The following NDST4 variants were observed in gnomAD, a reference collection of about 807,000 sequenced individuals.
NDST4 encodes the protein N-deacetylase and N-sulfotransferase 4.
In NDST4, 63 loss-of-function variants were observed where a neutral mutation model predicts 100.8. The ratio of observed to expected loss-of-function variants is 0.62; its 90% CI spans 0.51 to 0.77. NDST4 has a LOEUF of 0.77. Ranked by LOEUF, NDST4 falls within the 30% of genes least tolerant of loss-of-function variation. The pLI is 0.00. For synonymous variants in NDST4, 377 were observed against 361.8 expected (o/e 1.04, Z -0.48); for missense variants, 943 against 1,018.4 (o/e 0.93, Z 1.01).
intron 6 of NDST4, among the ~76,000 whole-genome samples, chr4:114,872,004 C>G (rs1465958030): frequency 1.3e-5 from 2 of 152,012 alleles, no homozygotes; most frequent in Admixed American, 1.3e-4. Context: ...AGTCAAGTGT[C>G]TCATGGCTAA....
At chr4:114,939,214 T>C (rs571269299) in intron 4 of NDST4, among the ~76,000 whole-genome samples, 5 of 152,208 alleles carry the variant, frequency 3.3e-5, no homozygotes, top group South Asian at 2.1e-4. Context: ...TGTGGATGCA[T>C]TGGGTGTGAG....
Position 114,932,095 on chromosome 4 carries a change from A to G in NDST4, c.1536+3111T>C, listed in dbSNP as rs1203992926. The stretch of plus-strand genomic sequence containing the variant: ...ACAAACATAGAGACAAAAGTTCTCA[A>G]TGAAATCCTAACAAGCCAAATTCAA... On this transcript the variant is annotated intron_variant, in intron 6 of 13. Coordinates refer to ENST00000264363, the MANE Select transcript of NDST4 (RefSeq NM_022569.3). Among the ~76,000 whole-genome samples, 5 of 152,056 alleles carry G rather than the reference A, an allele frequency of 3.3e-5. No homozygotes were observed. The East Asian group carries it at 7.7e-4, about 24-fold the overall frequency.
intron 1 of NDST4, among the ~76,000 whole-genome samples, chr4:115,097,124 T>C (rs1394319423): frequency 1.3e-5 from 2 of 152,102 alleles, no homozygotes; most frequent in Non-Finnish European, 2.9e-5. Flanking sequence ...GCCTATTCTT[T>C]ACTCTTCTAC....
At chr4:115,035,232 G>A (rs1054809340) in intron 2 of NDST4, among the ~76,000 whole-genome samples, 7 of 151,894 alleles carry the variant, frequency 4.6e-5, no homozygotes, top group South Asian at 4.2e-4. Flanking sequence ...ATGCATTTCC[G>A]GTAGAAACAA....
chr4:114,838,931 T>C (rs1723366257), intron 11 of NDST4, among the ~76,000 whole-genome samples: 2 of 152,106 alleles, frequency 1.3e-5, no homozygotes, highest in Admixed American at 6.5e-5. Flanking sequence ...GCCTAGTGCA[T>C]GACCTTCTTT....
In NDST4 at chr4:114,935,216, A is replaced by G; in HGVS notation, c.1526T>C (p.Leu509Pro). 6.2e-7 allele frequency: 1 copy of G among 1,606,638 alleles called. No homozygotes were observed. The highest frequency in any genetic ancestry group is 1.1e-5 in the South Asian group (1 of 89,752). Reference protein sequence around the residue: ...IRGGELFLTILLNPISIFMTH... With the variant: ...IRGGELFLTIPLNPISIFMTH... ...ACATAGAATACATACTGGGTTTAGA[A>G]GGATTGTGAGAAAAAGTTCACCTCC... Residue 509 changes from leucine to proline, a missense_variant, in exon 6 of 14, where the codon CTT becomes CCT. Leu to Pro is a moderately conservative substitution (Grantham distance 98). Coordinates refer to ENST00000264363, the MANE Select transcript of NDST4 (RefSeq NM_022569.3).
At chr4:115,102,027 T>C (rs1729740246) in intron 1 of NDST4, among the ~76,000 whole-genome samples, 1 of 152,188 alleles carries the variant, frequency 6.6e-6, no homozygotes, top group South Asian at 2.1e-4. Context: ...CATGATCAAC[T>C]TTGTCCTTAA....
intron 2 of NDST4, 83 bp from the exon 3 acceptor site, chr4:114,977,357 G>A: frequency 2.5e-6 from 2 of 809,402 alleles, no homozygotes; most frequent in African/African-American, 1.7e-5. Context: ...GTGTATGCAT[G>A]AGTAAAACAA....
intron 6 of NDST4, among the ~76,000 whole-genome samples, chr4:114,918,833 C>G (rs916527977): frequency 2.0e-5 from 3 of 152,200 alleles, no homozygotes; most frequent in African/African-American, 7.2e-5. Context: ...TTAAGCCAGA[C>G]TCTCACTTTG....
chr4:114,996,349 C>T (rs2126253895), intron 2 of NDST4, among the ~76,000 whole-genome samples: 1 of 152,188 alleles, frequency 6.6e-6, no homozygotes, highest in Middle Eastern at 3.4e-3. Flanking sequence ...CCCCCCAAAT[C>T]ATGCAGAACT....
chr4:115,051,996 T>C (rs1728593571), intron 2 of NDST4, among the ~76,000 whole-genome samples: 1 of 152,132 alleles, frequency 6.6e-6, no homozygotes, highest in South Asian at 2.1e-4. Flanking sequence ...AGATGATATA[T>C]CATTGTAATT....
intron 4 of NDST4, among the ~76,000 whole-genome samples, chr4:114,938,024 G>A (rs924801341): frequency 6.6e-6 from 1 of 152,158 alleles, no homozygotes; most frequent in Admixed American, 6.5e-5. Context: ...TGAGCCTGGA[G>A]GGCCAAGATC....
At chr4:115,029,570 G>A (rs1469949454) in intron 2 of NDST4, among the ~76,000 whole-genome samples, 1 of 152,108 alleles carries the variant, frequency 6.6e-6, no homozygotes, top group Non-Finnish European at 1.5e-5. Flanking sequence ...GGAGAGAAAG[G>A]AAGGAGTAAG....
chr4:114,959,717 T>A (rs1190137221), intron 4 of NDST4, among the ~76,000 whole-genome samples: 1 of 151,870 alleles, frequency 6.6e-6, no homozygotes, highest in Non-Finnish European at 1.5e-5. Flanking sequence ...TGAAAATCGA[T>A]TATGAGATTA....
chr4:114,857,017 A>G (rs542769894), intron 7 of NDST4, among the ~76,000 whole-genome samples: 1 of 152,314 alleles, frequency 6.6e-6, no homozygotes, highest in East Asian at 1.9e-4. Flanking sequence ...GGCCTAGAGC[A>G]AGAAAGGGGT....
At chr4:114,886,124 A>G (rs1724471811) in intron 6 of NDST4, among the ~76,000 whole-genome samples, 1 of 152,098 alleles carries the variant, frequency 6.6e-6, no homozygotes, top group Non-Finnish European at 1.5e-5. Flanking sequence ...AAATTTTTCT[A>G]ATATATTTAT....
At chr4:114,845,338 G>T (rs1354060815) in intron 10 of NDST4, among the ~76,000 whole-genome samples, 1 of 151,974 alleles carries the variant, frequency 6.6e-6, no homozygotes, top group African/African-American at 2.4e-5. Flanking sequence ...TCTCCAATTG[G>T]GTTGATTATT....
intron 6 of NDST4, among the ~76,000 whole-genome samples, chr4:114,905,558 T>C (rs959037098): frequency 6.6e-6 from 1 of 151,930 alleles, no homozygotes; most frequent in Non-Finnish European, 1.5e-5. Flanking sequence ...TTTGTCAAGC[T>C]GATTTCAATA....
intron 6 of NDST4, among the ~76,000 whole-genome samples, chr4:114,926,022 G>A (rs1158742684): frequency 6.6e-6 from 1 of 152,072 alleles, no homozygotes; most frequent in African/African-American, 2.4e-5. Flanking sequence ...TTGAATGATG[G>A]TGGACTACCT....
Sources: allele counts gnomAD v4.1 joint callset (sites outside exome capture counted in the v4.1 genomes callset), GRCh38; gene constraint gnomAD v4.1.1; transcripts MANE v1.5; gene names NCBI Gene and HGNC (gene_info 2026-07-23, HGNC 2026-07-21).